The following SORL1 variants were observed in gnomAD, a reference collection of about 807,000 sequenced individuals.
SORL1 encodes sortilin-related receptor.
Under a neutral mutation model 273.7 loss-of-function variants are expected in SORL1, and 127 were observed. The ratio of observed to expected loss-of-function variants is 0.46; its 90% confidence interval spans 0.40 to 0.54. SORL1 has a LOEUF of 0.54. SORL1 is among the 20% of genes least tolerant of loss of function. SORL1 has a pLI of 0.00. For synonymous variants in SORL1, 1,031 were observed against 1,067.4 expected (o/e 0.97, Z 0.66); for missense variants, 2,494 against 2,846.1 (o/e 0.88, Z 2.81).
chr11:121,524,609 G>A (rs1199871277), intron 11 of SORL1, among the ~76,000 whole-genome samples: 1 of 152,162 alleles, frequency 6.6e-6, no homozygotes, highest in Non-Finnish European at 1.5e-5. Flanking sequence ...AGGCTGTAGT[G>A]GACAGAATGT....
chr11:121,565,172 T>G (rs1273332153), intron 21 of SORL1, among the ~76,000 whole-genome samples: 5 of 152,232 alleles, frequency 3.3e-5, no homozygotes, highest in Non-Finnish European at 2.9e-5. Flanking sequence ...GATTGATTAT[T>G]TACTGAACCT....
Position 121,514,178 on chromosome 11 carries a change from G to C in SORL1, c.1068G>C (p.Glu356Asp). ...INEYYIADAS[E>D]DQVFVCVSHS... ...AATATTACATCGCAGATGCCTCCGA[G>C]GACCAGGTGTTTGTGTGTGTCAGCC... The change falls in exon 8 of 48, where the codon GAG becomes GAC. Residue 356 changes from glutamate to aspartate, a missense_variant. By Grantham distance (45) the Glu-to-Asp change is conservative. Coordinates refer to ENST00000260197, the MANE Select transcript of SORL1 (RefSeq NM_003105.6). 1.2e-6 allele frequency: 2 copies of C among 1,613,848 alleles called. No homozygotes were observed. Among genetic ancestry groups the C allele is most frequent in the Non-Finnish European group, 1.7e-6 (2 of 1,179,940 alleles).
At chr11:121,574,987 T>A (rs1237453172) in intron 24 of SORL1, among the ~76,000 whole-genome samples, 1 of 152,152 alleles carries the variant, frequency 6.6e-6, no homozygotes, top group African/African-American at 2.4e-5. Flanking sequence ...TTCAACTCTG[T>A]TATTATTAGA....
intron 9 of SORL1, among the ~76,000 whole-genome samples, 160 bp from the exon 10 acceptor site, chr11:121,522,426 T>A (rs1862053272): frequency 6.6e-6 from 1 of 152,192 alleles, no homozygotes; most frequent in Admixed American, 6.5e-5. Flanking sequence ...CCTCTCTGTC[T>A]GGGGGGTGTG....
rs1862058195 is a variant in SORL1 at position 121,522,672 on chromosome 11, G to A, written c.1491G>A (p.Lys497=). 6.2e-7 allele frequency: 1 copy of A among 1,614,036 alleles called. No homozygotes were observed. Among genetic ancestry groups the A allele is most frequent in the South Asian group, 1.1e-5 (1 of 91,092 alleles). The change falls in exon 10 of 48, where the codon AAG becomes AAA. Residue 497 remains lysine (K), a synonymous_variant. Coordinates refer to ENST00000260197, the MANE Select transcript of SORL1 (RefSeq NM_003105.6). ...TCCGGAGAATGCCCATCCTGTCCAA[G>A]GAGTCGGCTCCAGGCCTCATCATCG... ...LQLRRMPILS[K]ESAPGLIIAT...
intron 3 of SORL1, among the ~76,000 whole-genome samples, chr11:121,478,891 C>G (rs1861324609): frequency 6.7e-6 from 1 of 150,274 alleles, no homozygotes; most frequent in Non-Finnish European, 1.5e-5. Context: ...TGTGTGTGTG[C>G]TTGTGTGTGT....
chr11:121,541,818 C>A (rs1862353908), intron 12 of SORL1, among the ~76,000 whole-genome samples: 1 of 152,214 alleles, frequency 6.6e-6, no homozygotes, highest in Middle Eastern at 3.2e-3. Context: ...CCTTCTTCGA[C>A]ACCAAAGATA....
chr11:121,466,431 G>A, intron 1 of SORL1, among the ~76,000 whole-genome samples: 1 of 152,190 alleles, frequency 6.6e-6, no homozygotes, highest in East Asian at 1.9e-4. Flanking sequence ...ATTAAGTAAA[G>A]GGATCTAGGG....
chr11:121,576,647 T>G (rs1591334895), intron 24 of SORL1: 1 of 780,672 alleles, frequency 1.3e-6, no homozygotes, highest in East Asian at 2.7e-5. Flanking sequence ...CTTTGAAGGC[T>G]ATTGCCAGGG....
rs1268572074 is a variant in SORL1 at position 121,586,230 on chromosome 11, T to C, written c.3715T>C (p.Cys1239Arg). Residue 1239 changes from cysteine (C) to arginine (R), a missense_variant, in exon 27 of 48, where the codon TGC (cysteine) becomes CGC (arginine). Physicochemically the swap from Cys to Arg is radical, Grantham distance 180. Around this residue, in one of 3 missense-constraint regions of SORL1, gnomAD observed 1,609 missense variants for 1,816.4 expected, o/e 0.89. Transcript: ENST00000260197. Reference sequence around the variant, plus strand: ...GTTGAATTCTATTTCAGAGAAGAAGTGCAATGGATTCCGCTGCCCAAACGG... The same window carrying C: ...GTTGAATTCTATTTCAGAGAAGAAGCGCAATGGATTCCGCTGCCCAAACGG... Reference protein sequence around the residue: ...DEDPVNCEKKCNGFRCPNGTC... With the variant: ...DEDPVNCEKKRNGFRCPNGTC... 2 of 1,611,788 alleles carry C rather than the reference T, an allele frequency of 1.2e-6. No homozygotes were observed. Among genetic ancestry groups the C allele is most frequent in the Non-Finnish European group, 1.7e-6 (2 of 1,178,042 alleles).
At position 121,595,884 on chromosome 11, in the gene SORL1, C is replaced by A; in HGVS notation, c.4519+112C>A. On this transcript the variant is annotated intron_variant, in intron 32 of 47. Coordinates refer to ENST00000260197, the MANE Select transcript of SORL1 (RefSeq NM_003105.6). The surrounding 1 kb of genome is among the most constrained non-coding windows in gnomAD (Gnocchi z 5.1). ...ACACGCCTGTGTGTGAGTCTGTGTACTTGCGTAACCATGCTCTTACTGCAT... is the reference window on the plus strand; with the variant it reads ...ACACGCCTGTGTGTGAGTCTGTGTAATTGCGTAACCATGCTCTTACTGCAT... The A allele has an allele frequency of 8.5e-7, 1 of 1,178,564 alleles. No individual in the cohort carries two copies. The highest frequency in any genetic ancestry group is 1.2e-6 in the Non-Finnish European group (1 of 849,366). 73.0% of individuals were successfully genotyped at this position (1,178,564 alleles called of 1,614,324 possible).
chr11:121,619,148 A>C (rs1435846557), intron 42 of SORL1, among the ~76,000 whole-genome samples: 1 of 152,176 alleles, frequency 6.6e-6, no homozygotes, highest in African/African-American at 2.4e-5. Flanking sequence ...ATAAATCAAA[A>C]ATTTTTATCA....
Position 121,605,207 on chromosome 11 carries a change from C to G in SORL1, c.4746C>G (p.Pro1582=). ...TLTWMRPKKM[P]SASCVYNVYY... The stretch of plus-strand genomic sequence containing the variant: ...CCTGGATGAGGCCCAAAAAAATGCC[C>G]TCTGCTTCTTGTGTATATAATGTCT... Residue 1582 remains proline, a synonymous_variant, in exon 34 of 48, where the codon CCC becomes CCG. Transcript: ENST00000260197. The G allele has an allele frequency of 6.2e-7, 1 of 1,613,836 alleles. No homozygotes were observed. Among genetic ancestry groups the G allele is most frequent in the Non-Finnish European group, 8.5e-7 (1 of 1,179,868 alleles).
chr11:121,594,132 T>G (rs902653494), intron 31 of SORL1, among the ~76,000 whole-genome samples: 2 of 151,672 alleles, frequency 1.3e-5, no homozygotes, highest in Non-Finnish European at 2.9e-5. Context: ...TTTTTTTGTA[T>G]GTAACCTGTT....
At chr11:121,482,917 G>A (rs1373480333) in intron 3 of SORL1, among the ~76,000 whole-genome samples, 1 of 152,242 alleles carries the variant, frequency 6.6e-6, no homozygotes, top group African/African-American at 2.4e-5. Context: ...GTGGGCCCAT[G>A]TGAGTTTTGG....
At chr11:121,590,516 G>T in intron 30 of SORL1, 1 of 514,750 alleles carries the variant, frequency 1.9e-6, no homozygotes, top group South Asian at 2.3e-5. Flanking sequence ...GTCAGAATCT[G>T]CATGCTAATA....
rs140312112 is a variant in SORL1 at position 121,534,906 on chromosome 11, A to G, written c.1685+2354A>G. Among the ~76,000 whole-genome samples the G allele has an allele frequency of 7.1e-3, 1,079 of 152,222 alleles. 11 individuals carry two copies. Among genetic ancestry groups the G allele is most frequent in the African/African-American group, 0.023 (964 of 41,528 alleles). On this transcript the variant is annotated intron_variant, in intron 12 of 47. Transcript: ENST00000260197. Reference sequence around the variant, plus strand: ...GTAGCATGTATAGGCTGTCCCATTCATTTGGCATTGATCATATTCTGACTC... The same window carrying G: ...GTAGCATGTATAGGCTGTCCCATTCGTTTGGCATTGATCATATTCTGACTC...
intron 47 of SORL1, among the ~76,000 whole-genome samples, chr11:121,628,529 GC>G (rs945060420): frequency 6.6e-6 from 1 of 152,144 alleles, no homozygotes; most frequent in Non-Finnish European, 1.5e-5. Flanking sequence ...CTGCTGTGCG[GC>G]CCCCCATTCC....
rs1237347092 is a variant in SORL1, at chr11:121,611,087, C to A, written c.5251C>A (p.Pro1751Thr). The A allele has an allele frequency of 1.9e-6, 3 of 1,612,434 alleles. No homozygotes were observed. Among genetic ancestry groups the A allele is most frequent in the Non-Finnish European group, 2.5e-6 (3 of 1,178,626 alleles). Residue 1751 changes from proline (P) to threonine (T), a missense_variant, in exon 39 of 48, where the codon CCA (proline) becomes ACA (threonine). Pro to Thr is a conservative substitution (Grantham distance 38). Around this residue, in one of 3 missense-constraint regions of SORL1, gnomAD observed 1,609 missense variants for 1,816.4 expected, o/e 0.89. Transcript: ENST00000260197. ...CTTTTTGTTTTCAGTGATCCCACCA[C>A]CAGATATCCACATTGACAGCTATGG... is the stretch of plus-strand genomic sequence containing the variant. ...TTIKGKVIPPPDIHIDSYGEN... is the reference protein window; with the variant it reads ...TTIKGKVIPPTDIHIDSYGEN...
Sources: gnomAD v4.1 joint callset for allele counts (sites outside exome capture counted in the v4.1 genomes callset) on GRCh38, gnomAD v4.1.1 for gene constraint, gnomAD v4.1.1 regional missense constraint, Gnocchi (gnomAD v3.1) non-coding constraint, MANE v1.5 for transcripts, NCBI Gene and HGNC (gene_info 2026-07-23, HGNC 2026-07-21) for gene names.